The following OTUD5 variants were observed in gnomAD, a reference collection of about 807,000 sequenced individuals.
The protein encoded by OTUD5 is OTU deubiquitinase 5.
OTUD5 carries 2 observed loss-of-function variants against 36.3 expected under a neutral mutation model. The ratio of observed to expected loss-of-function variants is 0.06; its 90% CI spans 0.02 to 0.17. The LOEUF (loss-of-function observed/expected upper bound fraction) is 0.17. Ranked by LOEUF, OTUD5 falls within the 10% of genes least tolerant of loss-of-function variation. OTUD5 has a pLI of 1.00. For missense variants in OTUD5, 233 were observed against 512.3 expected (o/e 0.45, Z 5.26); for synonymous variants, 234 against 214.9 (o/e 1.09, Z -0.78).
chrX:48,957,637 G>A, upstream of OTUD5: 2 of 790,693 alleles, frequency 2.5e-6, no homozygotes, highest in Non-Finnish European at 3.0e-6. Context: ...CCCGGATGAG[G>A]GGGCTAGTGT....
chrX:48,924,600 A>G (rs1406661973), intron 6 of OTUD5, among the ~76,000 whole-genome samples: 1 of 111,517 alleles, frequency 9.0e-6, no homozygotes, highest in African/African-American at 3.3e-5. Flanking sequence ...CTACTACTAC[A>G]TTCTGTTCGG....
chrX:48,927,594 GAT>G (rs1344272230), intron 5 of OTUD5, among the ~76,000 whole-genome samples: 2 of 111,935 alleles, frequency 1.8e-5, no homozygotes, highest in Admixed American at 1.9e-4. Flanking sequence ...CACAGAGTGA[GAT>G]ATGGGGGAAG....
chrX:48,946,006 C>G (rs1261772880), intron 1 of OTUD5, among the ~76,000 whole-genome samples: 2 of 111,380 alleles, frequency 1.8e-5, no homozygotes, highest in African/African-American at 3.3e-5. Context: ...TACAGGATCC[C>G]AAGCCTGCTC....
intron 5 of OTUD5, among the ~76,000 whole-genome samples, chrX:48,932,244 T>C (rs2063767094): frequency 9.1e-6 from 1 of 110,239 alleles, no homozygotes; most frequent in South Asian, 3.7e-4. Context: ...GTGGGAATTC[T>C]GTATTATCTC....
chrX:48,923,883 G>C lies in OTUD5; in HGVS notation c.1433C>G (p.Ala478Gly). The change falls in exon 7 of 9, where the codon GCT becomes GGT. Residue 478 changes from alanine to glycine, a missense_variant. Coordinates refer to ENST00000376488, the MANE Select transcript of OTUD5 (RefSeq NM_001136157.2). The part of the protein sequence containing the change: ...MKPPSPGTVL[A>G]LAKPPSPCAP... Reference sequence around the variant, plus strand: ...ACAGGGCGAAGGAGGTTTGGCAAGAGCTAAAACAGTGCCTGGGGAAGGGGG... The same window carrying C: ...ACAGGGCGAAGGAGGTTTGGCAAGACCTAAAACAGTGCCTGGGGAAGGGGG... 4 of 1,212,137 alleles carry C rather than the reference G, an allele frequency of 3.3e-6. No homozygotes were observed. Among genetic ancestry groups the C allele is most frequent in the Non-Finnish European group, 4.5e-6 (4 of 895,492 alleles).
At chrX:48,948,110 G>A (rs2064064370) in intron 1 of OTUD5, among the ~76,000 whole-genome samples, 1 of 112,907 alleles carries the variant, frequency 8.9e-6, no homozygotes, top group Admixed American at 9.3e-5. Flanking sequence ...CACTTTGGGA[G>A]GCCAAGGCGG....
intron 1 of OTUD5, among the ~76,000 whole-genome samples, chrX:48,955,826 G>A (rs2064228000): frequency 9.0e-6 from 1 of 111,382 alleles, no homozygotes; most frequent in Non-Finnish European, 1.9e-5. Flanking sequence ...ACATATGCTC[G>A]TGGGGTGGGG....
intron 1 of OTUD5, among the ~76,000 whole-genome samples, chrX:48,945,863 C>T (rs973549564): frequency 1.8e-5 from 2 of 110,367 alleles, no homozygotes; most frequent in African/African-American, 3.3e-5. Flanking sequence ...AAATAATGAC[C>T]ATATAACCTC....
chrX:48,954,823 T>C (rs1660476045), intron 1 of OTUD5, among the ~76,000 whole-genome samples: 4 of 112,318 alleles, frequency 3.6e-5, no homozygotes, highest in African/African-American at 1.3e-4. Flanking sequence ...GGAATCGCTC[T>C]TGGTTTCAGA....
At chrX:48,940,034 C>T (rs1557050705) in intron 2 of OTUD5, 1 of 114,383 alleles carries the variant, frequency 8.7e-6, no homozygotes, top group Non-Finnish European at 1.9e-5. Flanking sequence ...CCCCACTACC[C>T]TCCTGGTCCA....
chrX:48,934,897 G>C (rs1306083502), intron 3 of OTUD5, 30 bp from the exon 4 acceptor site: 2 of 1,203,293 alleles, frequency 1.7e-6, no homozygotes, highest in African/African-American at 3.5e-5. Context: ...GTTAAGGTCT[G>C]TGTGGAGAAG....
chrX:48,956,327 G>GTA (rs1406714599), intron 1 of OTUD5, among the ~76,000 whole-genome samples: 1 of 109,950 alleles, frequency 9.1e-6, no homozygotes, highest in Non-Finnish European at 1.9e-5. Flanking sequence ...GTGTGTGTGT[G>GTA]TGTGTCAGGA....
intron 1 of OTUD5, among the ~76,000 whole-genome samples, chrX:48,951,340 C>T (rs1422333219): frequency 4.5e-5 from 5 of 112,226 alleles, no homozygotes; most frequent in Non-Finnish European, 5.6e-5. Context: ...GGGGGCCAGG[C>T]GTGGTGGCTC....
chrX:48,947,688 A>T (rs1449920095), intron 1 of OTUD5, among the ~76,000 whole-genome samples: 1 of 106,840 alleles, frequency 9.4e-6, no homozygotes, highest in Non-Finnish European at 1.9e-5. Flanking sequence ...GGGCAATAAG[A>T]GCAAAACTCT....
At chrX:48,937,961 C>G (rs1335089738) in intron 2 of OTUD5, among the ~76,000 whole-genome samples, 1 of 112,124 alleles carries the variant, frequency 8.9e-6, no homozygotes, top group Admixed American at 9.5e-5. Flanking sequence ...GGCTCTCTAC[C>G]TTTAGCGAAA....
At chrX:48,928,598 G>A (rs1348859921) in intron 5 of OTUD5, among the ~76,000 whole-genome samples, 3 of 111,136 alleles carry the variant, frequency 2.7e-5, no homozygotes, top group Non-Finnish European at 3.8e-5. Flanking sequence ...AGGCCAAGGC[G>A]GGAGGATCAC....
intron 1 of OTUD5, among the ~76,000 whole-genome samples, chrX:48,946,805 AAAG>A (rs1201854489): frequency 1.8e-5 from 2 of 112,460 alleles, no homozygotes; most frequent in Non-Finnish European, 3.8e-5. Context: ...AGGTTCTTAA[AAAG>A]AAGGGAACAC....
At chrX:48,923,340 G>A (rs782001865) in intron 8 of OTUD5, 45 bp from the exon 9 acceptor site, 1 of 1,045,252 alleles carries the variant, frequency 9.6e-7, no homozygotes, top group Non-Finnish European at 1.3e-6. Context: ...AGCGCTCTCA[G>A]CCTGCCTTCT....
chrX:48,952,294 A>G (rs1557054132), intron 1 of OTUD5, among the ~76,000 whole-genome samples: 1 of 112,093 alleles, frequency 8.9e-6, no homozygotes, highest in African/African-American at 3.2e-5. Flanking sequence ...TGGTTGCCAG[A>G]GGCTGGAAAG....
Sources: allele counts gnomAD v4.1 joint callset (sites outside exome capture counted in the v4.1 genomes callset), GRCh38; gene constraint gnomAD v4.1.1; transcripts MANE v1.5; gene names NCBI Gene and HGNC (gene_info 2026-07-23, HGNC 2026-07-21).